TRIM36: variants seen among roughly 807,000 people sequenced by gnomAD.
TRIM36 encodes the protein E3 ubiquitin-protein ligase TRIM36.
Under a neutral mutation model 72.4 loss-of-function variants are expected in TRIM36, and 42 were observed. The observed-to-expected ratio is 0.58, with a 90% confidence interval of 0.45 to 0.75. TRIM36 has a LOEUF of 0.75. Ranked by LOEUF, TRIM36 falls within the 30% of genes least tolerant of loss-of-function variation. TRIM36 has a pLI of 0.00. For synonymous variants in TRIM36, 315 were observed against 282.8 expected (o/e 1.11, Z -1.14); for missense variants, 913 against 857.1 (o/e 1.07, Z -0.81).
chr5:115,164,210 G>A (rs1354401807), intron 1 of TRIM36, among the ~76,000 whole-genome samples: 7 of 152,172 alleles, frequency 4.6e-5, no homozygotes, highest in African/African-American at 1.7e-4. Context: ...AGCTGAGTCA[G>A]TATGTTCATG....
intron 9 of TRIM36, 32 bp from the exon 10 acceptor site, chr5:115,126,889 A>C: frequency 6.4e-7 from 1 of 1,566,738 alleles, no homozygotes; most frequent in African/African-American, 1.4e-5. Context: ...CTGTATCTTC[A>C]ACAATAGATC....
At chr5:115,162,960 T>G (rs958486959) in intron 2 of TRIM36, among the ~76,000 whole-genome samples, 1 of 112,008 alleles carries the variant, frequency 8.9e-6, no homozygotes, top group African/African-American at 3.3e-5. Flanking sequence ...CAAACATAGC[T>G]TTTTTTTTTT....
At chr5:115,155,091 A>T (rs1465587756) in intron 2 of TRIM36, among the ~76,000 whole-genome samples, 1 of 152,156 alleles carries the variant, frequency 6.6e-6, no homozygotes, top group Non-Finnish European at 1.5e-5. Flanking sequence ...CGGGAGGCTG[A>T]GGCAGAAGAA....
In TRIM36 at chr5:115,126,849, T is replaced by G. The variant is rs767699058; in HGVS notation, c.1805A>C (p.Gln602Pro). The part of the protein sequence containing the change: ...PRDAVSPRYE[Q>P]DSGHDSGSED... The stretch of plus-strand genomic sequence containing the variant: ...ACTTCCACTGTCATGCCCACTGTCT[T>G]GCTCATATCTGAAACATAATACAAA... The change falls in exon 10 of 10, where the codon CAA becomes CCA. Residue 602 changes from glutamine (Q) to proline (P), a missense_variant. Coordinates refer to ENST00000513154, the MANE Select transcript of TRIM36 (RefSeq NM_001300759.2). 2 of 1,607,600 alleles carry G rather than the reference T, an allele frequency of 1.2e-6. No homozygotes were observed. The highest frequency in any genetic ancestry group is 2.7e-5 in the African/African-American group (2 of 74,650).
upstream of TRIM36, chr5:115,174,125 T>C (rs1049892070): frequency 2.6e-5 from 4 of 152,350 alleles, no homozygotes; most frequent in African/African-American, 9.6e-5. Flanking sequence ...GCTGACTTGG[T>C]CTTTTTCCAT....
At chr5:115,179,313 C>T (rs1341464245) in intron 1 of TRIM36, among the ~76,000 whole-genome samples, 5 of 152,164 alleles carry the variant, frequency 3.3e-5, no homozygotes, top group Non-Finnish European at 5.9e-5. Context: ...CGCCAGCCTG[C>T]GTTCCTAAAG....
chr5:115,128,557 C>G (rs1023536300), intron 9 of TRIM36, among the ~76,000 whole-genome samples: 1 of 146,988 alleles, frequency 6.8e-6, no homozygotes, highest in Non-Finnish European at 1.5e-5. Context: ...TCGAGACCAT[C>G]CTGGCTAACA....
chr5:115,164,420 G>C (rs1022310931), intron 1 of TRIM36, among the ~76,000 whole-genome samples: 3 of 152,178 alleles, frequency 2.0e-5, no homozygotes, highest in Non-Finnish European at 4.4e-5. Flanking sequence ...ATAAAGAAAA[G>C]AGATTTAAGT....
chr5:115,143,096 C>T (rs1753362090), intron 4 of TRIM36, among the ~76,000 whole-genome samples: 1 of 151,878 alleles, frequency 6.6e-6, no homozygotes, highest in Non-Finnish European at 1.5e-5. Context: ...ATTCAGCAGT[C>T]CTCATCAACT....
chr5:115,160,641 C>T (rs1754434467), intron 2 of TRIM36, among the ~76,000 whole-genome samples: 1 of 152,192 alleles, frequency 6.6e-6, no homozygotes, highest in Admixed American at 6.5e-5. Context: ...AGTCTGAAAC[C>T]AGCCTAGGCA....
At chr5:115,127,957 C>T (rs753798472) in intron 9 of TRIM36, among the ~76,000 whole-genome samples, 5 of 151,292 alleles carry the variant, frequency 3.3e-5, no homozygotes, top group South Asian at 4.2e-4. Flanking sequence ...AAGTGGAAGA[C>T]GATGATATTG....
chr5:115,130,273 C>T (rs951824335), intron 9 of TRIM36, among the ~76,000 whole-genome samples: 2 of 152,136 alleles, frequency 1.3e-5, no homozygotes, highest in South Asian at 2.1e-4. Context: ...GACAATCAGA[C>T]GCATTGTATT....
At chr5:115,177,835 G>A (rs755889568) in intron 1 of TRIM36, 5 of 1,614,134 alleles carry the variant, frequency 3.1e-6, no homozygotes, top group South Asian at 2.2e-5. Context: ...AGTCAACCGG[G>A]AATGCTCATG....
chr5:115,179,407 C>T (rs1755505041), intron 1 of TRIM36, among the ~76,000 whole-genome samples: 2 of 152,214 alleles, frequency 1.3e-5, no homozygotes, highest in Admixed American at 1.3e-4. Flanking sequence ...TAAATATTCC[C>T]GGCCTGGAGC....
chr5:115,144,474 A>T (rs1169909049), intron 4 of TRIM36, 124 bp downstream of exon 4: 2 of 1,194,746 alleles, frequency 1.7e-6, no homozygotes, highest in East Asian at 5.1e-5. Flanking sequence ...ATCGCTAAGT[A>T]ACACTTTAAC....
intron 1 of TRIM36, among the ~76,000 whole-genome samples, chr5:115,167,552 T>C (rs1392180722): frequency 6.6e-6 from 1 of 152,228 alleles, no homozygotes; most frequent in African/African-American, 2.4e-5. Flanking sequence ...TGCTAAAGCA[T>C]AGCAAGAGTC....
chr5:115,132,217 TAC>T (rs1752727897), intron 8 of TRIM36, among the ~76,000 whole-genome samples: 1 of 149,844 alleles, frequency 6.7e-6, no homozygotes, highest in Non-Finnish European at 1.5e-5. Flanking sequence ...TATATATATA[TAC>T]ATATATATAT....
chr5:115,134,253 CTAA>C (rs1248303846), intron 7 of TRIM36, 106 bp from the exon 8 acceptor site: 13 of 970,770 alleles, frequency 1.3e-5, no homozygotes, highest in Non-Finnish European at 1.7e-5. Context: ...GATTTCTATA[CTAA>C]TACTTTTCTA....
intron 2 of TRIM36, chr5:115,159,586 T>C (rs187192829): frequency 1.0e-4 from 44 of 436,206 alleles, no homozygotes; most frequent in African/African-American, 8.6e-4. Flanking sequence ...GATTATTTAA[T>C]TTAAATCTAA....
Sources: gnomAD v4.1 joint callset for allele counts (sites outside exome capture counted in the v4.1 genomes callset) on GRCh38, gnomAD v4.1.1 for gene constraint, MANE v1.5 for transcripts, NCBI Gene and HGNC (gene_info 2026-07-23, HGNC 2026-07-21) for gene names.